The following NAA15 variants were observed in gnomAD, a reference collection of about 807,000 sequenced individuals.
NAA15 encodes N-alpha-acetyltransferase 15, NatA auxiliary subunit.
Under a neutral mutation model 114.0 loss-of-function variants are expected in NAA15, and 34 were observed. That is an observed-to-expected ratio of 0.30 (90% CI 0.23 to 0.40). The LOEUF is 0.40. Among genes scored for constraint, NAA15 ranks in the 10% least tolerant of loss-of-function variants. The pLI is 1.00. For missense variants in NAA15, 658 were observed against 1,004.5 expected, an observed-to-expected ratio of 0.66 and a Z score of 4.66; for synonymous variants, 340 against 338.0, an observed-to-expected ratio of 1.01 and a Z score of -0.06.
At chr4:139,316,179 G>A (rs1373895563) in intron 1 of NAA15, among the ~76,000 whole-genome samples, 1 of 151,684 alleles carries the variant, frequency 6.6e-6, no homozygotes, top group Non-Finnish European at 1.5e-5. Flanking sequence ...CCTCAGGAAT[G>A]CTTGTGAAAC....
chr4:139,374,234 T>C (rs1748522486), intron 15 of NAA15, among the ~76,000 whole-genome samples: 1 of 152,238 alleles, frequency 6.6e-6, no homozygotes. Flanking sequence ...CCCTTGGAAG[T>C]GTCTTAAATT....
intron 2 of NAA15, among the ~76,000 whole-genome samples, chr4:139,335,368 TTTC>T (rs1747164654): frequency 6.6e-6 from 1 of 152,120 alleles, no homozygotes; most frequent in Non-Finnish European, 1.5e-5. Flanking sequence ...TTCACTGTTT[TTTC>T]TTCTTGTTTT....
intron 1 of NAA15, chr4:139,302,610 A>G (rs1335441579): frequency 6.6e-6 from 1 of 152,074 alleles, no homozygotes; most frequent in African/African-American, 2.4e-5. Context: ...CTTTAGTTGA[A>G]ACGTTGCAGA....
chr4:139,380,152 G>A (rs1363366520), intron 17 of NAA15, among the ~76,000 whole-genome samples: 1 of 151,580 alleles, frequency 6.6e-6, no homozygotes, highest in Non-Finnish European at 1.5e-5. Context: ...TTGTAGAAGT[G>A]TTTTTCCTCA....
chr4:139,354,161 TA>T, intron 10 of NAA15, 63 bp downstream of exon 10: 1 of 1,340,722 alleles, frequency 7.5e-7, no homozygotes, highest in Non-Finnish European at 1.1e-6. Flanking sequence ...GTGAAATTCT[TA>T]ATCAGAAGGT....
intron 3 of NAA15, among the ~76,000 whole-genome samples, chr4:139,340,187 T>C (rs181786441): frequency 9.2e-5 from 14 of 152,210 alleles, no homozygotes; most frequent in South Asian, 2.1e-4. Context: ...GCTGGCATGC[T>C]GGTGTGTGCC....
intron 6 of NAA15, among the ~76,000 whole-genome samples, chr4:139,347,760 C>T (rs527330269): frequency 9.2e-5 from 14 of 151,902 alleles, no homozygotes; most frequent in Middle Eastern, 3.4e-3. Context: ...CGGCCGGGCG[C>T]GGTGGCTCAC....
chr4:139,305,558 A>G (rs1745984720), intron 1 of NAA15, among the ~76,000 whole-genome samples: 1 of 131,356 alleles, frequency 7.6e-6, no homozygotes, highest in African/African-American at 3.0e-5. Flanking sequence ...TTTTTTTGAG[A>G]CGGAGTTTCG....
At chr4:139,312,797 C>T (rs1746264035) in intron 1 of NAA15, among the ~76,000 whole-genome samples, 1 of 151,424 alleles carries the variant, frequency 6.6e-6, no homozygotes, top group Admixed American at 6.6e-5. Flanking sequence ...AGTGAGCTAT[C>T]ATCATGCCAC....
At chr4:139,369,936 C>G (rs1748388336) in intron 14 of NAA15, among the ~76,000 whole-genome samples, 1 of 151,988 alleles carries the variant, frequency 6.6e-6, no homozygotes. Flanking sequence ...TCCTGAGTAG[C>G]AGGGATTACA....
intron 1 of NAA15, among the ~76,000 whole-genome samples, chr4:139,329,093 G>GCTGGTCTCAAACTC (rs1344033939): frequency 6.7e-6 from 1 of 150,086 alleles, no homozygotes; most frequent in Non-Finnish European, 1.5e-5. Flanking sequence ...TGTTGGCTAG[G>GCTGGTCTCAAACTC]CTGGTCTCAA....
At chr4:139,341,642 A>G (rs1747399208) in intron 4 of NAA15, among the ~76,000 whole-genome samples, 1 of 151,228 alleles carries the variant, frequency 6.6e-6, no homozygotes, top group Non-Finnish European at 1.5e-5. Flanking sequence ...TCCTCAAATA[A>G]ACAATGCCTT....
intron 16 of NAA15, among the ~76,000 whole-genome samples, chr4:139,378,200 T>C (rs1748643526): frequency 6.6e-6 from 1 of 152,118 alleles, no homozygotes; most frequent in South Asian, 2.1e-4. Flanking sequence ...AAATTTCCAT[T>C]TAACAGGTGG....
chr4:139,357,631 C>G (rs781657969), intron 11 of NAA15, 76 bp downstream of exon 11: 23 of 937,164 alleles, frequency 2.5e-5, no homozygotes, highest in South Asian at 3.5e-5. Flanking sequence ...TTTATAGATT[C>G]TAAATATAGG....
chr4:139,356,820 T>G (rs902559720), intron 10 of NAA15, among the ~76,000 whole-genome samples: 17 of 152,252 alleles, frequency 1.1e-4, no homozygotes, highest in African/African-American at 3.6e-4. Flanking sequence ...ACTTGTCATC[T>G]CATTTTTGGG....
chr4:139,332,332 T>C (rs562690445), intron 1 of NAA15, among the ~76,000 whole-genome samples: 2 of 152,086 alleles, frequency 1.3e-5, no homozygotes, highest in South Asian at 4.1e-4. Context: ...GGTTTCACCA[T>C]GTTGGCCTGG....
At chr4:139,336,404 T>C (rs1258835474) in intron 2 of NAA15, among the ~76,000 whole-genome samples, 1 of 152,160 alleles carries the variant, frequency 6.6e-6, no homozygotes, top group Non-Finnish European at 1.5e-5. Context: ...ATAAAAAATG[T>C]AGGAAATTTA....
rs935525134 is a variant in NAA15, at chr4:139,310,448, C to T, written c.54+8617C>T. ...CAGCCTGGGCGACAGAGCGAGACTC[C>T]GTCTCAAAAAAAAAAAAAAAACATT... On this transcript the variant is annotated intron_variant, in intron 1 of 19. Coordinates refer to ENST00000296543, the MANE Select transcript of NAA15 (RefSeq NM_057175.5). Among the ~76,000 whole-genome samples, 8 of 143,390 alleles carry T rather than the reference C, an allele frequency of 5.6e-5. No homozygotes were observed. In the South Asian group the frequency reaches 6.6e-4, roughly 12 times the overall value. The allele number at this position is 143,390 out of a possible 152,430, so 94.1% of individuals were successfully genotyped here.
chr4:139,340,841 A>G (rs879737666), intron 3 of NAA15, 71 bp from the exon 4 acceptor site: 3 of 1,271,708 alleles, frequency 2.4e-6, no homozygotes, highest in Middle Eastern at 4.0e-4. Context: ...GTGGTTCTCC[A>G]AGTTTTTTGG....
Sources: allele counts gnomAD v4.1 joint callset (sites outside exome capture counted in the v4.1 genomes callset), GRCh38; gene constraint gnomAD v4.1.1; transcripts MANE v1.5; gene names NCBI Gene and HGNC (gene_info 2026-07-23, HGNC 2026-07-21).